The following HERPUD2 variants were observed in gnomAD, a reference collection of about 807,000 sequenced individuals.
HERPUD2 encodes the protein HERPUD family member 2.
In HERPUD2, 13 loss-of-function variants were observed where a neutral mutation model predicts 49.9. That is an observed-to-expected ratio of 0.26 (90% CI 0.17 to 0.41). The LOEUF (loss-of-function observed/expected upper bound fraction) is 0.41, where lower values mean the gene tolerates loss of function less well. HERPUD2 is among the 10% of genes least tolerant of loss of function. The pLI, the probability that HERPUD2 is intolerant of heterozygous loss-of-function variation, is 1.00. For missense variants in HERPUD2, 449 were observed against 492.2 expected (o/e 0.91, Z 0.83); for synonymous variants, 172 against 171.4 (o/e 1.00, Z -0.03).
intron 4 of HERPUD2, among the ~76,000 whole-genome samples, chr7:35,667,837 A>G (rs1785569075): frequency 6.6e-6 from 1 of 152,202 alleles, no homozygotes; most frequent in African/African-American, 2.4e-5. Flanking sequence ...GCAGAATAAT[A>G]ATATACAAAA....
intron 5 of HERPUD2, among the ~76,000 whole-genome samples, chr7:35,659,853 G>A (rs1228818180): frequency 2.0e-5 from 3 of 150,458 alleles, no homozygotes; most frequent in Non-Finnish European, 3.0e-5. Flanking sequence ...CTTTTTTCCT[G>A]TTCTATTTCA....
rs371382783 is a variant in HERPUD2 at position 35,667,419 on chromosome 7, C to A, written c.494+15G>T. On this transcript the variant is annotated intron_variant, in intron 5 of 8. Coordinates refer to ENST00000311350, the MANE Select transcript of HERPUD2 (RefSeq NM_022373.5). ...GGCCCCAATCACATTCCATAGCTAC[C>A]ACAATTTCACTTACCCTTGCATTAC... The A allele has an allele frequency of 3.1e-6, 5 of 1,599,726 alleles. No homozygotes were observed. The African/African-American group carries it at 4.0e-5, about 13-fold the overall frequency.
intron 5 of HERPUD2, among the ~76,000 whole-genome samples, chr7:35,661,721 T>C (rs1475085005): frequency 1.3e-5 from 2 of 152,208 alleles, no homozygotes; most frequent in East Asian, 1.9e-4. Context: ...TGCACATTGA[T>C]TTTGTATCCT....
intron 5 of HERPUD2, among the ~76,000 whole-genome samples, chr7:35,649,962 T>A (rs1785130022): frequency 6.6e-6 from 1 of 152,038 alleles, no homozygotes; most frequent in African/African-American, 2.4e-5. Context: ...GTTTCCGGGC[T>A]AAGAGGAGAG....
chr7:35,687,927 G>A (rs1786100525), intron 2 of HERPUD2, among the ~76,000 whole-genome samples: 1 of 152,124 alleles, frequency 6.6e-6, no homozygotes. Flanking sequence ...TAAAAATCAT[G>A]TTCCTAGTAT....
At chr7:35,688,492 A>C (rs1440868528) in intron 2 of HERPUD2, among the ~76,000 whole-genome samples, 1 of 152,232 alleles carries the variant, frequency 6.6e-6, no homozygotes, top group Non-Finnish European at 1.5e-5. Context: ...GTCAAAGTAT[A>C]TGACTATGGT....
At chr7:35,647,233 T>C (rs1051927520) in intron 5 of HERPUD2, among the ~76,000 whole-genome samples, 1 of 152,126 alleles carries the variant, frequency 6.6e-6, no homozygotes, top group African/African-American at 2.4e-5. Context: ...TTCAAGACTC[T>C]GCGATTGCTT....
intron 8 of HERPUD2, among the ~76,000 whole-genome samples, chr7:35,634,058 T>G (rs557167834): frequency 6.6e-6 from 1 of 152,314 alleles, no homozygotes; most frequent in South Asian, 2.1e-4. Flanking sequence ...TCTTACCATG[T>G]GTATAATTTT....
intron 5 of HERPUD2, among the ~76,000 whole-genome samples, chr7:35,646,085 AAT>A (rs984974157): frequency 1.3e-5 from 2 of 152,230 alleles, no homozygotes; most frequent in African/African-American, 4.8e-5. Flanking sequence ...TAGCACAATA[AAT>A]ATGTTTTGAA....
In HERPUD2 at chr7:35,682,273, A is replaced by G. The variant is rs1233245664; in HGVS notation, c.148-8995T>C. ...CACGTGTGTGTGTGTATATATAGAT[A>G]TATACACATACACACGTGTGTGTGT... On this transcript the variant is annotated intron_variant, in intron 2 of 8. Transcript: ENST00000311350. Among the ~76,000 whole-genome samples, 29 of 36,878 alleles carry G rather than the reference A, an allele frequency of 7.9e-4. 6 individuals are homozygous for G. Among genetic ancestry groups the G allele is most frequent in the Middle Eastern group, 0.014 (1 of 70 alleles). 24.2% of individuals were successfully genotyped at this position (36,878 alleles called of 152,430 possible).
intron 2 of HERPUD2, among the ~76,000 whole-genome samples, chr7:35,678,918 A>T (rs1482828365): frequency 6.6e-6 from 1 of 152,082 alleles, no homozygotes; most frequent in African/African-American, 2.4e-5. Context: ...ATGCTGGAAA[A>T]CTCAGTATTT....
At chr7:35,661,196 T>C (rs994623154) in intron 5 of HERPUD2, among the ~76,000 whole-genome samples, 8 of 151,684 alleles carry the variant, frequency 5.3e-5, no homozygotes, top group Non-Finnish European at 5.9e-5. Context: ...TGTAGATGTG[T>C]GGTATTATTT....
rs535972296 is a variant in HERPUD2, at chr7:35,647,939, A to C, written c.495-9467T>G. The stretch of plus-strand genomic sequence containing the variant: ...TAGTTATTAATATCCTTTTGGATAA[A>C]GTGTGGTAAATGAATTTTTAAAGAT... On this transcript the variant is annotated intron_variant, in intron 5 of 8. Coordinates refer to ENST00000311350, the MANE Select transcript of HERPUD2 (RefSeq NM_022373.5). Among the ~76,000 whole-genome samples the C allele has an allele frequency of 3.3e-5, 5 of 151,584 alleles. No homozygotes were observed. In the South Asian group the frequency reaches 1.1e-3, roughly 32 times the overall value.
At chr7:35,664,622 C>T (rs1785499260) in intron 5 of HERPUD2, among the ~76,000 whole-genome samples, 1 of 152,200 alleles carries the variant, frequency 6.6e-6, no homozygotes, top group Non-Finnish European at 1.5e-5. Context: ...CTTCTCTTCT[C>T]ACTTCATTTC....
At chr7:35,669,704 T>C (rs79545505) in intron 4 of HERPUD2, among the ~76,000 whole-genome samples, 1 of 152,110 alleles carries the variant, frequency 6.6e-6, no homozygotes, top group Non-Finnish European at 1.5e-5. Context: ...AAGAGATTAA[T>C]ACATTAAGTA....
intron 5 of HERPUD2, among the ~76,000 whole-genome samples, chr7:35,658,811 A>G (rs1051314997): frequency 1.8e-4 from 28 of 152,348 alleles, no homozygotes; most frequent in African/African-American, 6.7e-4. Context: ...GAACTTTGTA[A>G]ATGAACAGCC....
intron 2 of HERPUD2, among the ~76,000 whole-genome samples, chr7:35,682,435 A>G (rs529823961): frequency 6.7e-6 from 1 of 148,798 alleles, no homozygotes; most frequent in Non-Finnish European, 1.5e-5. Context: ...AAAGCCATCC[A>G]TGACAAACCC....
intron 5 of HERPUD2, among the ~76,000 whole-genome samples, chr7:35,651,366 G>T (rs780775053): frequency 5.3e-5 from 8 of 152,032 alleles, no homozygotes; most frequent in Admixed American, 3.3e-4. Flanking sequence ...CACTGCCATC[G>T]CTGGGACCTA....
At chr7:35,658,280 C>T (rs2115910502) in intron 5 of HERPUD2, among the ~76,000 whole-genome samples, 1 of 152,210 alleles carries the variant, frequency 6.6e-6, no homozygotes, top group East Asian at 1.9e-4. Context: ...AAGTAAGTTC[C>T]TCTCATGGAG....
Sources: gnomAD v4.1 joint callset for allele counts (sites outside exome capture counted in the v4.1 genomes callset) on GRCh38, gnomAD v4.1.1 for gene constraint, MANE v1.5 for transcripts, NCBI Gene and HGNC (gene_info 2026-07-23, HGNC 2026-07-21) for gene names.